The following DSCAM variants were observed in gnomAD, a reference collection of about 807,000 sequenced individuals.
DSCAM encodes DS cell adhesion molecule, also known as cell adhesion molecule DSCAM.
A neutral mutation model predicts 217.7 loss-of-function variants in DSCAM; 47 were observed. That is an observed-to-expected ratio of 0.22 (90% CI 0.17 to 0.28). The LOEUF is 0.28. Among genes scored for constraint, DSCAM ranks in the 10% least tolerant of loss-of-function variants. DSCAM has a pLI of 1.00. For synonymous variants in DSCAM, 1,056 were observed against 1,015.3 expected (o/e 1.04, Z -0.76); for missense variants, 2,080 against 2,618.3 (o/e 0.79, Z 4.49).
At position 40,123,853 on chromosome 21, in the gene DSCAM, G is replaced by A. The variant is rs377032230; in HGVS notation, c.3696+342C>T. 1.5e-4 allele frequency among the ~76,000 whole-genome samples: 23 copies of A among 152,130 alleles called. 2 individuals carry two copies. In the East Asian group the frequency reaches 3.9e-3, roughly 26 times the overall value. ...AGGCGTGAAGTGCTTATCATGATGA[G>A]TCCAACAGTAAAATCAATAGGTGTT... On this transcript the variant is annotated intron_variant, in intron 20 of 32. Coordinates refer to ENST00000400454, the MANE Select transcript of DSCAM (RefSeq NM_001389.5).
chr21:40,727,997 T>G (rs897997381), intron 1 of DSCAM, among the ~76,000 whole-genome samples: 1 of 152,170 alleles, frequency 6.6e-6, no homozygotes, highest in African/African-American at 2.4e-5. Context: ...AGAAACTCCC[T>G]GGCTCACCTT....
intron 3 of DSCAM, among the ~76,000 whole-genome samples, chr21:40,590,525 C>A (rs1432937909): frequency 6.6e-6 from 1 of 152,186 alleles, no homozygotes; most frequent in African/African-American, 2.4e-5. Flanking sequence ...AATGGTGTCA[C>A]TGTGAGGAGT....
chr21:40,668,865 T>C (rs2090235040), intron 3 of DSCAM, among the ~76,000 whole-genome samples: 1 of 147,598 alleles, frequency 6.8e-6, no homozygotes, highest in Non-Finnish European at 1.5e-5. Context: ...TATAGTCCAG[T>C]CAAAAGATAG....
chr21:40,434,759 G>A (rs1228803723), intron 3 of DSCAM, among the ~76,000 whole-genome samples: 1 of 152,008 alleles, frequency 6.6e-6, no homozygotes, highest in Non-Finnish European at 1.5e-5. Flanking sequence ...AACCTATATT[G>A]ATCATTATCA....
At position 40,016,407 on chromosome 21, in the gene DSCAM, A is replaced by G. The variant is rs188219998; in HGVS notation, c.5687-3021T>C. On this transcript the variant is annotated intron_variant, in intron 32 of 32. Coordinates refer to ENST00000400454, the MANE Select transcript of DSCAM (RefSeq NM_001389.5). This position sits in a 1 kb window ranked among gnomAD's most constrained non-coding sequence, Gnocchi z 4.3. ...TTTGATGACAAAAGATGAAGGGTTT[A>G]GTTTCAGACCTGCTGAGTTTGATGC... Among the ~76,000 whole-genome samples, 132 of 152,292 alleles carry G rather than the reference A, an allele frequency of 8.7e-4. No homozygotes were observed. Among genetic ancestry groups the G allele is most frequent in the African/African-American group, 3.0e-3 (123 of 41,562 alleles).
intron 29 of DSCAM, 134 bp from the exon 30 acceptor site, chr21:40,052,241 A>G (rs1040988650): frequency 1.1e-6 from 1 of 944,988 alleles, no homozygotes; most frequent in Non-Finnish European, 1.5e-6. Context: ...AAAGTGACAA[A>G]AATGATTGAA....
intron 1 of DSCAM, among the ~76,000 whole-genome samples, chr21:40,795,595 C>T (rs1489807603): frequency 6.6e-6 from 1 of 152,182 alleles, no homozygotes; most frequent in Admixed American, 6.5e-5. Context: ...AATCTTTGCT[C>T]CTCACACAAC....
intron 1 of DSCAM, among the ~76,000 whole-genome samples, chr21:40,723,590 T>C (rs889203721): frequency 6.6e-6 from 1 of 152,216 alleles, no homozygotes; most frequent in Non-Finnish European, 1.5e-5. Context: ...TGCTGGCTAA[T>C]ACATAATAGA....
chr21:40,438,809 G>C (rs1474592802), intron 3 of DSCAM, among the ~76,000 whole-genome samples: 2 of 152,150 alleles, frequency 1.3e-5, no homozygotes, highest in African/African-American at 4.8e-5. Flanking sequence ...CATGCTGAGA[G>C]CTTGGTTCCT....
intron 8 of DSCAM, among the ~76,000 whole-genome samples, chr21:40,321,237 C>T (rs938490103): frequency 3.3e-5 from 5 of 152,316 alleles, no homozygotes; most frequent in Middle Eastern, 3.4e-3. Flanking sequence ...ATGCTGTTGA[C>T]TCCTAATCTA....
intron 3 of DSCAM, among the ~76,000 whole-genome samples, chr21:40,683,099 T>G (rs2090432546): frequency 6.6e-6 from 1 of 152,160 alleles, no homozygotes; most frequent in Non-Finnish European, 1.5e-5. Context: ...CAGCCTGATC[T>G]CAATCTTCTA....
intron 1 of DSCAM, 34 bp downstream of exon 1, chr21:40,846,585 G>T: frequency 9.3e-7 from 1 of 1,072,138 alleles, no homozygotes; most frequent in Non-Finnish European, 1.2e-6. Context: ...TCAATGATAA[G>T]GAAACGAAAT....
At chr21:40,726,678 G>A (rs1343557053) in intron 1 of DSCAM, among the ~76,000 whole-genome samples, 4 of 152,186 alleles carry the variant, frequency 2.6e-5, no homozygotes. Flanking sequence ...CCAAGTGGAC[G>A]CAGCACAATT....
intron 11 of DSCAM, among the ~76,000 whole-genome samples, chr21:40,215,082 G>A: frequency 1.1e-5 from 1 of 90,232 alleles, no homozygotes; most frequent in South Asian, 4.0e-4. Flanking sequence ...AGCCGGGCGC[G>A]GTGGCGGGCG....
At chr21:40,594,729 TTGAC>T (rs67840748) in intron 3 of DSCAM, among the ~76,000 whole-genome samples, 31,717 of 151,968 alleles carry the variant, frequency 0.21, 3,493 homozygotes, top group East Asian at 0.31. Context: ...AGATAAAAAC[TTGAC>T]TGTCTACAGT....
intron 1 of DSCAM, among the ~76,000 whole-genome samples, chr21:40,757,257 C>A (rs2091286071): frequency 6.6e-6 from 1 of 151,856 alleles, no homozygotes; most frequent in Non-Finnish European, 1.5e-5. Flanking sequence ...GATCTCCTGA[C>A]CTCGTGATCC....
chr21:40,721,809 T>G (rs999813665), intron 1 of DSCAM, among the ~76,000 whole-genome samples: 2 of 151,922 alleles, frequency 1.3e-5, no homozygotes, highest in African/African-American at 4.8e-5. Flanking sequence ...ACCTCAACTA[T>G]CCATCAAATT....
intron 3 of DSCAM, among the ~76,000 whole-genome samples, chr21:40,441,796 C>T (rs1383078550): frequency 6.6e-6 from 1 of 152,190 alleles, no homozygotes; most frequent in African/African-American, 2.4e-5. Flanking sequence ...CATCTACTCG[C>T]TGACCAATGC....
intron 10 of DSCAM, among the ~76,000 whole-genome samples, chr21:40,294,394 A>G (rs929533819): frequency 1.3e-5 from 2 of 152,204 alleles, no homozygotes; most frequent in African/African-American, 4.8e-5. Context: ...ATTTTCAACC[A>G]TCAGGTTGTA....
Sources: allele counts gnomAD v4.1 joint callset (sites outside exome capture counted in the v4.1 genomes callset), GRCh38; gene constraint gnomAD v4.1.1; non-coding constraint Gnocchi (gnomAD v3.1); transcripts MANE v1.5; gene names NCBI Gene and HGNC (gene_info 2026-07-23, HGNC 2026-07-21).